LDLRAD4: variants seen among roughly 807,000 people sequenced by gnomAD.
The protein encoded by LDLRAD4 is low density lipoprotein receptor class A domain containing 4, also known as low-density lipoprotein receptor class A domain-containing protein 4.
A neutral mutation model predicts 17.0 loss-of-function variants in LDLRAD4; 5 were observed. The ratio of observed to expected loss-of-function variants is 0.29; its 90% CI spans 0.15 to 0.62. The LOEUF (loss-of-function observed/expected upper bound fraction) is 0.62. LDLRAD4 is among the 20% of genes least tolerant of loss of function. The pLI is 0.84. For synonymous variants in LDLRAD4, 168 were observed against 171.8 expected, an observed-to-expected ratio of 0.98 and a Z score of 0.17; for missense variants, 340 against 424.7, an observed-to-expected ratio of 0.80 and a Z score of 1.75.
chr18:13,412,981 G>T (rs976428033), intron 2 of LDLRAD4, among the ~76,000 whole-genome samples: 4 of 152,168 alleles, frequency 2.6e-5, no homozygotes, highest in Non-Finnish European at 5.9e-5. Context: ...CGTAGTAAGG[G>T]CAGCGTGTGT....
At chr18:13,294,118 A>G (rs1352199236) in intron 1 of LDLRAD4, among the ~76,000 whole-genome samples, 1 of 152,262 alleles carries the variant, frequency 6.6e-6, no homozygotes, top group African/African-American at 2.4e-5. Flanking sequence ...AGTAGGATAT[A>G]AATAACTCCC....
intron 3 of LDLRAD4, among the ~76,000 whole-genome samples, chr18:13,450,849 G>T (rs1015495502): frequency 2.0e-5 from 3 of 152,188 alleles, no homozygotes; most frequent in Admixed American, 6.5e-5. Flanking sequence ...CCTGGGCAGG[G>T]ATGCCACATA....
At chr18:13,612,786 A>G (rs771813433) in intron 3 of LDLRAD4, 1 of 1,614,012 alleles carries the variant, frequency 6.2e-7, no homozygotes. Context: ...TACATTTCCC[A>G]AGAACTGCTA....
chr18:13,388,822 G>A (rs930860164), intron 2 of LDLRAD4, among the ~76,000 whole-genome samples: 6 of 152,236 alleles, frequency 3.9e-5, no homozygotes, highest in African/African-American at 1.4e-4. Context: ...AACCTCGGCC[G>A]CTTCCGTGCG....
chr18:13,249,601 T>A (rs951475223), intron 1 of LDLRAD4, among the ~76,000 whole-genome samples: 1 of 152,210 alleles, frequency 6.6e-6, no homozygotes, highest in African/African-American at 2.4e-5. Context: ...AGATCTTTTT[T>A]TTTTTTGCTG....
chr18:13,466,118 A>G (rs757820370), intron 3 of LDLRAD4, among the ~76,000 whole-genome samples: 1 of 152,210 alleles, frequency 6.6e-6, no homozygotes, highest in African/African-American at 2.4e-5. Flanking sequence ...TAATTTTCAT[A>G]TAGTAACACA....
intron 3 of LDLRAD4, chr18:13,490,329 C>A (rs1222030010): frequency 6.6e-6 from 1 of 152,172 alleles, no homozygotes; most frequent in African/African-American, 2.4e-5. Context: ...TCCATTGGAG[C>A]ATTTTAGATT....
chr18:13,525,882 A>G (rs1212706319), intron 3 of LDLRAD4, among the ~76,000 whole-genome samples: 2 of 152,170 alleles, frequency 1.3e-5, no homozygotes, highest in African/African-American at 2.4e-5. Context: ...GCGGGGCCTC[A>G]CCACCCCCTT....
At chr18:13,405,479 G>C (rs1306208841) in intron 2 of LDLRAD4, among the ~76,000 whole-genome samples, 3 of 152,148 alleles carry the variant, frequency 2.0e-5, no homozygotes, top group Non-Finnish European at 4.4e-5. Flanking sequence ...TTGGAGAGCA[G>C]TGATGCAATC....
chr18:13,570,740 C>A (rs1437968743), intron 3 of LDLRAD4, among the ~76,000 whole-genome samples: 2 of 152,212 alleles, frequency 1.3e-5, no homozygotes, highest in Non-Finnish European at 2.9e-5. Context: ...GAAGGCGCAG[C>A]CCTCTGGCTG....
intron 2 of LDLRAD4, among the ~76,000 whole-genome samples, chr18:13,426,589 A>G (rs978858350): frequency 1.3e-5 from 2 of 152,160 alleles, no homozygotes; most frequent in African/African-American, 4.8e-5. Flanking sequence ...CTTGGTGTAC[A>G]GGGGAGTGCA....
chr18:13,256,226 C>T (rs2043494857), intron 1 of LDLRAD4, among the ~76,000 whole-genome samples: 1 of 152,114 alleles, frequency 6.6e-6, no homozygotes, highest in Admixed American at 6.5e-5. Flanking sequence ...CACAAACTGC[C>T]CTGGATGTAG....
At chr18:13,594,820 C>T (rs1320002718) in intron 3 of LDLRAD4, among the ~76,000 whole-genome samples, 18 of 152,048 alleles carry the variant, frequency 1.2e-4, no homozygotes, top group Non-Finnish European at 1.5e-5. Flanking sequence ...AGTATTAACT[C>T]TTCTTTAAAT....
chr18:13,407,488 T>G (rs2087877602), intron 2 of LDLRAD4, among the ~76,000 whole-genome samples: 1 of 152,242 alleles, frequency 6.6e-6, no homozygotes, highest in Admixed American at 6.5e-5. Flanking sequence ...ATATGTTAAC[T>G]GACTTTTCTA....
intron 3 of LDLRAD4, among the ~76,000 whole-genome samples, chr18:13,494,415 C>T (rs77382313): frequency 4.0e-4 from 61 of 151,752 alleles, no homozygotes; most frequent in Admixed American, 1.1e-3. Context: ...AATGTGCCAC[C>T]GAAACTCTAA....
At chr18:13,229,069 G>C (rs988599598) in intron 1 of LDLRAD4, among the ~76,000 whole-genome samples, 1 of 152,246 alleles carries the variant, frequency 6.6e-6, no homozygotes, top group Non-Finnish European at 1.5e-5. Context: ...AATGGCTTCT[G>C]TTCTGCCATC....
intron 3 of LDLRAD4, among the ~76,000 whole-genome samples, chr18:13,451,317 T>C (rs2091821623): frequency 6.6e-6 from 1 of 152,134 alleles, no homozygotes; most frequent in Admixed American, 6.5e-5. Context: ...ACGGATTCCT[T>C]GTGGCTTGGT....
chr18:13,305,233 T>G (rs146834431), intron 1 of LDLRAD4, among the ~76,000 whole-genome samples: 1 of 152,342 alleles, frequency 6.6e-6, no homozygotes, highest in Admixed American at 6.5e-5. Context: ...TCAAAACTTA[T>G]GCACACACTT....
At position 13,524,294 on chromosome 18, in the gene LDLRAD4, T is replaced by C. The variant is rs759529711; in HGVS notation, c.181+85910T>C. ...GATCAGCACCCTCACTTTGATGTGT[T>C]ATATTGACTGTATCTTGATGCTTCC... On this transcript the variant is annotated intron_variant, in intron 3 of 5. Coordinates refer to ENST00000359446, the Ensembl canonical transcript of LDLRAD4. 9.9e-5 allele frequency among the ~76,000 whole-genome samples: 15 copies of C among 152,252 alleles called. No homozygotes were observed. In the South Asian group the frequency reaches 2.7e-3, roughly 27 times the overall value.
Sources: gnomAD v4.1 joint callset for allele counts (sites outside exome capture counted in the v4.1 genomes callset) on GRCh38, gnomAD v4.1.1 for gene constraint, MANE v1.5 for transcripts, NCBI Gene and HGNC (gene_info 2026-07-23, HGNC 2026-07-21) for gene names.